HPSE2: variants seen among roughly 807,000 people sequenced by gnomAD.
HPSE2 encodes inactive heparanase-2.
In HPSE2, 38 loss-of-function variants were observed where a neutral mutation model predicts 60.5. The observed-to-expected ratio is 0.63, with a 90% CI of 0.48 to 0.82. The LOEUF (loss-of-function observed/expected upper bound fraction) is 0.82. Ranked by LOEUF, HPSE2 falls within the 40% of genes least tolerant of loss-of-function variation. The probability of loss-of-function intolerance (pLI) is 0.00; values close to 1 mark genes in which losing one functional copy is unlikely to be tolerated. For missense variants in HPSE2, 713 were observed against 740.4 expected (o/e 0.96, Z 0.43); for synonymous variants, 295 against 293.2 (o/e 1.01, Z -0.06).
the HPSE2 span, among the ~76,000 whole-genome samples, chr10:99,305,388 A>C: frequency 6.6e-6 from 1 of 152,350 alleles, no homozygotes; most frequent in Non-Finnish European, 1.5e-5. Context: ...GGGAAACAAA[A>C]GTGGACTAGT....
At position 99,007,273 on chromosome 10, in the gene HPSE2, T is replaced by C. The variant is rs144206051; in HGVS notation, c.610+136965A>G. Among the ~76,000 whole-genome samples the C allele has an allele frequency of 2.9e-3, 446 of 152,212 alleles. 1 individual carries two copies. The highest frequency in any genetic ancestry group is 5.2e-3 in the Non-Finnish European group (351 of 68,014). On this transcript the variant is annotated intron_variant, in intron 3 of 11. Transcript: ENST00000370552. ...TGGAGTCTGGGGCTGTGAGGGCTTGTGTGGCACTGGGTTTTACTGGGATAG... is the reference window on the plus strand; with the variant it reads ...TGGAGTCTGGGGCTGTGAGGGCTTGCGTGGCACTGGGTTTTACTGGGATAG...
Position 98,721,674 on chromosome 10 carries a change from G to C in HPSE2, c.939C>G (p.Val313=). Residue 313 remains valine, a synonymous_variant, in exon 5 of 12, where the codon GTC becomes GTG. Transcript: ENST00000370552. ...GPNIGRPRKN[V]IALLDGFMKV... ...TGACCTACCCATCTAGGAGGGCGAT[G>C]ACATTCTTCCTCGGCCGCCCAATAT... 6.2e-7 allele frequency: 1 copy of C among 1,613,672 alleles called. No homozygotes were observed. The highest frequency in any genetic ancestry group is 8.5e-7 in the Non-Finnish European group (1 of 1,179,858).
At chr10:98,691,854 A>C (rs1025866973) in intron 6 of HPSE2, among the ~76,000 whole-genome samples, 1 of 152,222 alleles carries the variant, frequency 6.6e-6, no homozygotes, top group Non-Finnish European at 1.5e-5. Flanking sequence ...TGAGGATCAG[A>C]TACAATAAGG....
the HPSE2 span, among the ~76,000 whole-genome samples, chr10:99,274,871 A>C: frequency 6.6e-6 from 1 of 152,258 alleles, no homozygotes; most frequent in East Asian, 1.9e-4. Context: ...TCTGGGAAAT[A>C]TACTTCGCCA....
At chr10:99,285,614 AG>A in the HPSE2 span, among the ~76,000 whole-genome samples, 1 of 151,900 alleles carries the variant, frequency 6.6e-6, no homozygotes, top group Non-Finnish European at 1.5e-5. Flanking sequence ...GGACTTGAAT[AG>A]ACACTTCTCC....
intron 9 of HPSE2, among the ~76,000 whole-genome samples, chr10:98,611,524 A>C (rs1437100607): frequency 6.6e-6 from 1 of 152,236 alleles, no homozygotes; most frequent in Non-Finnish European, 1.5e-5. Context: ...TTGAAGATTT[A>C]ATCACAATGT....
At chr10:98,739,130 T>A (rs1949431413) in intron 4 of HPSE2, among the ~76,000 whole-genome samples, 1 of 152,176 alleles carries the variant, frequency 6.6e-6, no homozygotes, top group African/African-American at 2.4e-5. Context: ...CACCATGGAA[T>A]ACTATGCAGC....
intron 3 of HPSE2, among the ~76,000 whole-genome samples, chr10:98,798,915 A>G (rs542313256): frequency 6.6e-6 from 1 of 152,256 alleles, no homozygotes; most frequent in South Asian, 2.1e-4. Flanking sequence ...AAAATGGACT[A>G]AACTCCGCAA....
At chr10:98,583,666 C>T (rs183624547) in intron 9 of HPSE2, among the ~76,000 whole-genome samples, 5 of 152,260 alleles carry the variant, frequency 3.3e-5, no homozygotes, top group Admixed American at 2.6e-4. Flanking sequence ...GTTTGTGTGC[C>T]CCAAATTATA....
intron 3 of HPSE2, among the ~76,000 whole-genome samples, chr10:98,987,508 C>T (rs949832125): frequency 6.6e-6 from 1 of 152,162 alleles, no homozygotes; most frequent in Non-Finnish European, 1.5e-5. Flanking sequence ...ATAATAAGAG[C>T]TATCTATGAC....
chr10:99,103,991 G>T (rs1589662429), intron 3 of HPSE2, among the ~76,000 whole-genome samples: 4 of 152,232 alleles, frequency 2.6e-5, no homozygotes, highest in Middle Eastern at 6.8e-3. Flanking sequence ...ATTCAAGATG[G>T]ATTAAAGACT....
intron 2 of HPSE2, among the ~76,000 whole-genome samples, chr10:99,169,893 T>C (rs1847242724): frequency 1.3e-5 from 2 of 152,206 alleles, no homozygotes; most frequent in African/African-American, 4.8e-5. Flanking sequence ...ACTCTGTGGC[T>C]GGGCTGCAAC....
chr10:99,093,227 C>CA (rs58418414), intron 3 of HPSE2, among the ~76,000 whole-genome samples: 66 of 147,350 alleles, frequency 4.5e-4, no homozygotes, highest in African/African-American at 3.7e-4. Flanking sequence ...GGCTCCATTT[C>CA]AAAAAAAAAA....
At chr10:98,719,352 G>T (rs560710177) in intron 5 of HPSE2, among the ~76,000 whole-genome samples, 2 of 152,208 alleles carry the variant, frequency 1.3e-5, no homozygotes, top group East Asian at 3.9e-4. Flanking sequence ...AATTTGATAA[G>T]TGCTATAGCA....
At chr10:99,006,817 C>T (rs1956905365) in intron 3 of HPSE2, among the ~76,000 whole-genome samples, 2 of 152,010 alleles carry the variant, frequency 1.3e-5, no homozygotes, top group African/African-American at 2.4e-5. Context: ...GGCCTGGTAT[C>T]GGGGCAGCCA....
At chr10:98,768,554 A>G (rs1950174562) in intron 3 of HPSE2, among the ~76,000 whole-genome samples, 1 of 152,194 alleles carries the variant, frequency 6.6e-6, no homozygotes, top group Admixed American at 6.6e-5. Flanking sequence ...TGTAGTTTTC[A>G]AGTTTAGCAT....
At chr10:98,609,797 T>G (rs1479510074) in intron 9 of HPSE2, among the ~76,000 whole-genome samples, 3 of 151,956 alleles carry the variant, frequency 2.0e-5, no homozygotes, top group Admixed American at 2.0e-4. Flanking sequence ...TCCTGCTGTT[T>G]CCTATGATGC....
chr10:99,037,865 T>C (rs1055626321), intron 3 of HPSE2, among the ~76,000 whole-genome samples: 1 of 151,960 alleles, frequency 6.6e-6, no homozygotes, highest in African/African-American at 2.4e-5. Flanking sequence ...ACAACCCACT[T>C]AGAAATGGGC....
intron 3 of HPSE2, among the ~76,000 whole-genome samples, chr10:98,794,086 A>C (rs1299442898): frequency 6.6e-6 from 1 of 152,180 alleles, no homozygotes; most frequent in Non-Finnish European, 1.5e-5. Context: ...AAAATGAGGA[A>C]ATTTTCATTG....
Sources: allele counts gnomAD v4.1 joint callset (sites outside exome capture counted in the v4.1 genomes callset), GRCh38; gene constraint gnomAD v4.1.1; transcripts MANE v1.5; gene names NCBI Gene and HGNC (gene_info 2026-07-23, HGNC 2026-07-21).